LARGE1: variants seen among roughly 807,000 people sequenced by gnomAD.
LARGE1 encodes xylosyl- and glucuronyltransferase LARGE1.
Under a neutral mutation model 87.6 loss-of-function variants are expected in LARGE1, and 43 were observed. The observed-to-expected ratio is 0.49, with a 90% CI of 0.38 to 0.63. The LOEUF (loss-of-function observed/expected upper bound fraction) is 0.63, where lower values mean the gene tolerates loss of function less well. Among genes scored for constraint, LARGE1 ranks in the 30% least tolerant of loss-of-function variants. LARGE1 has a pLI of 0.00. For missense variants in LARGE1, 802 were observed against 1,000.2 expected (o/e 0.80, Z 2.67); for synonymous variants, 434 against 394.6 (o/e 1.10, Z -1.18).
intron 11 of LARGE1, among the ~76,000 whole-genome samples, chr22:33,256,688 T>C (rs1308805446): frequency 6.6e-6 from 1 of 152,226 alleles, no homozygotes; most frequent in Admixed American, 6.5e-5. Flanking sequence ...CCAGGCACTA[T>C]GCTAAGGATG....
intron 1 of LARGE1, among the ~76,000 whole-genome samples, chr22:33,836,616 T>A (rs949497782): frequency 4.6e-5 from 7 of 152,262 alleles, no homozygotes; most frequent in Admixed American, 3.9e-4. Flanking sequence ...CTCAGCTGCA[T>A]TCCATGGCTT....
chr22:33,324,195 C>T (rs530354252), intron 10 of LARGE1, among the ~76,000 whole-genome samples: 11 of 123,358 alleles, frequency 8.9e-5, no homozygotes, highest in South Asian at 8.7e-4. Flanking sequence ...TGTCATTGCA[C>T]TCCAGTCTGG....
At chr22:33,219,572 A>G (rs369740228) in intron 11 of LARGE1, among the ~76,000 whole-genome samples, 2 of 152,356 alleles carry the variant, frequency 1.3e-5, no homozygotes, top group South Asian at 2.1e-4. Context: ...AGGTGAATGA[A>G]CAAAAGTGTG....
intron 2 of LARGE1, among the ~76,000 whole-genome samples, chr22:33,705,200 C>G (rs1245206289): frequency 2.0e-5 from 3 of 152,192 alleles, no homozygotes; most frequent in Admixed American, 6.5e-5. Flanking sequence ...ACACACCTGG[C>G]AACACTGGGC....
At chr22:33,326,870 C>T (rs1387538144) in intron 10 of LARGE1, among the ~76,000 whole-genome samples, 1 of 152,142 alleles carries the variant, frequency 6.6e-6, no homozygotes, top group Non-Finnish European at 1.5e-5. Flanking sequence ...AAACCGTGGC[C>T]CAGACTTGTA....
the LARGE1 span, among the ~76,000 whole-genome samples, chr22:33,102,770 C>T: frequency 3.9e-3 from 586 of 151,900 alleles, 6 homozygotes; most frequent in Non-Finnish European, 6.7e-3. Context: ...GGATTACAGG[C>T]GTAAACCACT....
intron 6 of LARGE1, among the ~76,000 whole-genome samples, chr22:33,547,383 C>T (rs1386992561): frequency 3.9e-5 from 6 of 152,158 alleles, no homozygotes; most frequent in Admixed American, 1.3e-4. Context: ...CTAATCCCAG[C>T]GCTGATCTGA....
intron 4 of LARGE1, among the ~76,000 whole-genome samples, chr22:33,623,565 G>T (rs2079822335): frequency 6.6e-6 from 1 of 152,074 alleles, no homozygotes; most frequent in African/African-American, 2.4e-5. Flanking sequence ...TTGCTAACTT[G>T]CCAGCTTGCT....
intron 6 of LARGE1, among the ~76,000 whole-genome samples, chr22:33,477,301 T>TCA (rs146701179): frequency 0.01 from 1,554 of 152,276 alleles, 27 homozygotes; most frequent in African/African-American, 0.035. Flanking sequence ...GGGTTTGCTG[T>TCA]CAGTTATAAG....
the LARGE1 span, among the ~76,000 whole-genome samples, chr22:33,146,411 T>A: frequency 2.0e-5 from 3 of 152,348 alleles, no homozygotes; most frequent in South Asian, 6.2e-4. Flanking sequence ...GATTAGTCTC[T>A]ATTACATTCA....
At chr22:33,441,448 TTCTC>T (rs886945108) in intron 6 of LARGE1, among the ~76,000 whole-genome samples, 1 of 151,598 alleles carries the variant, frequency 6.6e-6, no homozygotes, top group Non-Finnish European at 1.5e-5. Context: ...ATCTCTCTCT[TTCTC>T]TCTCTCTCTG....
intron 7 of LARGE1, among the ~76,000 whole-genome samples, chr22:33,415,793 A>T (rs1410280531): frequency 6.6e-6 from 1 of 152,178 alleles, no homozygotes; most frequent in African/African-American, 2.4e-5. Flanking sequence ...GGGTCAAGAC[A>T]TAAATGGAGA....
chr22:33,478,958 C>T (rs898425621), intron 6 of LARGE1, among the ~76,000 whole-genome samples: 1 of 152,146 alleles, frequency 6.6e-6, no homozygotes, highest in Non-Finnish European at 1.5e-5. Flanking sequence ...GGTGGCTCAA[C>T]ATGTAGTTGA....
intron 1 of LARGE1, among the ~76,000 whole-genome samples, chr22:33,783,814 G>A (rs965552932): frequency 1.3e-5 from 2 of 152,100 alleles, no homozygotes; most frequent in Admixed American, 1.3e-4. Context: ...TGCAGAACGG[G>A]CTCTAACTTC....
At chr22:33,641,362 T>C (rs767728212) in intron 3 of LARGE1, among the ~76,000 whole-genome samples, 2 of 151,916 alleles carry the variant, frequency 1.3e-5, no homozygotes, top group Non-Finnish European at 2.9e-5. Context: ...ACAAATAGGA[T>C]GCCCACAAAA....
chr22:33,781,689 C>A (rs1054947270), intron 1 of LARGE1, among the ~76,000 whole-genome samples: 2 of 152,220 alleles, frequency 1.3e-5, no homozygotes, highest in African/African-American at 4.8e-5. Context: ...ACTCACCTAG[C>A]AAATAATACT....
At chr22:33,420,856 C>T (rs567341789) in intron 7 of LARGE1, among the ~76,000 whole-genome samples, 75 of 152,260 alleles carry the variant, frequency 4.9e-4, no homozygotes, top group Middle Eastern at 3.4e-3. Flanking sequence ...AAGACACAGA[C>T]GTAATCCTCT....
At chr22:33,802,320 T>TA (rs1210451731) in intron 1 of LARGE1, among the ~76,000 whole-genome samples, 2 of 152,170 alleles carry the variant, frequency 1.3e-5, no homozygotes, top group African/African-American at 4.8e-5. Context: ...CATCATCACT[T>TA]AGAGAAGAGC....
intron 1 of LARGE1, among the ~76,000 whole-genome samples, chr22:33,898,775 A>C (rs933289915): frequency 1.3e-5 from 2 of 152,136 alleles, no homozygotes; most frequent in Non-Finnish European, 2.9e-5. Flanking sequence ...AAACAAACAA[A>C]AAGATTCTTC....
Sources: allele counts gnomAD v4.1 joint callset (sites outside exome capture counted in the v4.1 genomes callset), GRCh38; gene constraint gnomAD v4.1.1; transcripts MANE v1.5; gene names NCBI Gene and HGNC (gene_info 2026-07-23, HGNC 2026-07-21).